DYNC1I1: variants seen among roughly 807,000 people sequenced by gnomAD.
The protein encoded by DYNC1I1 is cytoplasmic dynein 1 intermediate chain 1.
Under a neutral mutation model 86.6 loss-of-function variants are expected in DYNC1I1, and 43 were observed. The ratio of observed to expected loss-of-function variants is 0.50; its 90% CI spans 0.39 to 0.64. The LOEUF (loss-of-function observed/expected upper bound fraction) is 0.64, where lower values mean the gene tolerates loss of function less well. Ranked by LOEUF, DYNC1I1 falls within the 30% of genes least tolerant of loss-of-function variation. The probability of loss-of-function intolerance (pLI) is 0.00; values close to 1 mark genes in which losing one functional copy is unlikely to be tolerated. For missense variants in DYNC1I1, 604 were observed against 788.8 expected (o/e 0.77, Z 2.81); for synonymous variants, 262 against 283.7 (o/e 0.92, Z 0.77).
At position 95,838,648 on chromosome 7, in the gene DYNC1I1, A is replaced by G. The variant is rs187658594; in HGVS notation, c.374+10532A>G. 2.6e-5 allele frequency among the ~76,000 whole-genome samples: 4 copies of G among 152,122 alleles called. No individual in the cohort carries two copies. In the South Asian group the frequency reaches 6.2e-4, roughly 24 times the overall value. Reference sequence around the variant, plus strand: ...TAGGCAGTATGGACATTTTAATAATATTGTTTTGTGTAATCCATGAACATA... The same window carrying G: ...TAGGCAGTATGGACATTTTAATAATGTTGTTTTGTGTAATCCATGAACATA... On this transcript the variant is annotated intron_variant, in intron 5 of 16. Coordinates refer to ENST00000447467, the MANE Select transcript of DYNC1I1 (RefSeq NM_001135556.2).
At chr7:95,890,218 C>A (rs539427840) in intron 6 of DYNC1I1, among the ~76,000 whole-genome samples, 1 of 152,060 alleles carries the variant, frequency 6.6e-6, no homozygotes, top group Non-Finnish European at 1.5e-5. Context: ...AAAGAAAATG[C>A]GGTGCATATA....
At chr7:96,097,144 T>G (rs934420987) in intron 16 of DYNC1I1, among the ~76,000 whole-genome samples, 4 of 152,202 alleles carry the variant, frequency 2.6e-5, no homozygotes. Context: ...CAGTTTTTAT[T>G]TGCGTGTTCA....
chr7:96,002,909 T>C (rs576528737), intron 10 of DYNC1I1, among the ~76,000 whole-genome samples: 1 of 152,032 alleles, frequency 6.6e-6, no homozygotes, highest in Non-Finnish European at 1.5e-5. Context: ...AGCAGCACGA[T>C]CTCAGCTCAC....
intron 16 of DYNC1I1, among the ~76,000 whole-genome samples, chr7:96,105,063 A>G (rs1199027595): frequency 2.6e-5 from 4 of 151,874 alleles, no homozygotes; most frequent in Admixed American, 2.6e-4. Flanking sequence ...TTATTCCTAG[A>G]TAACAACTAA....
chr7:95,885,540 A>G (rs1790571623), intron 6 of DYNC1I1, among the ~76,000 whole-genome samples: 1 of 152,122 alleles, frequency 6.6e-6, no homozygotes, highest in Non-Finnish European at 1.5e-5. Context: ...GTCCAGTGGC[A>G]TGATCATAGC....
intron 5 of DYNC1I1, among the ~76,000 whole-genome samples, chr7:95,835,849 T>C (rs1202780329): frequency 6.6e-6 from 1 of 152,154 alleles, no homozygotes; most frequent in East Asian, 1.9e-4. Flanking sequence ...ATCCTTTTAT[T>C]TTGAGCCTAT....
At position 95,985,013 on chromosome 7, in the gene DYNC1I1, T is replaced by C. The variant is rs761537937; in HGVS notation, c.743+36T>C. Reference sequence around the variant, plus strand: ...TGTGTGCATTCTTTAAAAAATAGCGTAAGTTATCTGTTAATTCTAATTTAT... The same window carrying C: ...TGTGTGCATTCTTTAAAAAATAGCGCAAGTTATCTGTTAATTCTAATTTAT... On this transcript the variant is annotated intron_variant, in intron 8 of 16. Transcript: ENST00000447467. 33 of 1,598,280 alleles carry C rather than the reference T, an allele frequency of 2.1e-5. No homozygotes were observed. In the East Asian group the frequency reaches 5.6e-4, roughly 27 times the overall value.
chr7:96,077,329 T>G (rs1010700986), intron 15 of DYNC1I1, among the ~76,000 whole-genome samples: 9 of 151,770 alleles, frequency 5.9e-5, no homozygotes, highest in African/African-American at 2.2e-4. Flanking sequence ...CTTTGTATCT[T>G]CAAGGGTATA....
intron 16 of DYNC1I1, among the ~76,000 whole-genome samples, chr7:96,096,046 A>G (rs17776584): frequency 0.03 from 4,597 of 152,230 alleles, 222 homozygotes; most frequent in East Asian, 0.23. Flanking sequence ...TGCACTTCGC[A>G]AAATAAGTCA....
chr7:96,070,726 G>T (rs1035217978), intron 14 of DYNC1I1, among the ~76,000 whole-genome samples: 2 of 152,140 alleles, frequency 1.3e-5, no homozygotes, highest in African/African-American at 4.8e-5. Flanking sequence ...GGTGTTAGGA[G>T]ACATTTTAAT....
rs147995418 is a variant in DYNC1I1 at position 95,920,292 on chromosome 7, G to A, written c.490+50294G>A. ...CGTCTAATCATGAGAAAAACATCACGCAAATTTCACTAACAGAATATCAGA... is the reference window on the plus strand; with the variant it reads ...CGTCTAATCATGAGAAAAACATCACACAAATTTCACTAACAGAATATCAGA... On this transcript the variant is annotated intron_variant, in intron 6 of 16. Coordinates refer to ENST00000447467, the MANE Select transcript of DYNC1I1 (RefSeq NM_001135556.2). Among the ~76,000 whole-genome samples the A allele has an allele frequency of 5.8e-4, 88 of 152,120 alleles. 2 individuals are homozygous for A. The South Asian group carries it at 0.013, about 22-fold the overall frequency.
At chr7:96,055,370 G>A (rs1286920393) in intron 14 of DYNC1I1, among the ~76,000 whole-genome samples, 2 of 151,938 alleles carry the variant, frequency 1.3e-5, no homozygotes, top group Non-Finnish European at 2.9e-5. Flanking sequence ...TAACAAACCT[G>A]CATGTTCTGC....
intron 14 of DYNC1I1, among the ~76,000 whole-genome samples, chr7:96,056,768 A>T (rs1343139518): frequency 6.6e-6 from 1 of 152,088 alleles, no homozygotes; most frequent in African/African-American, 2.4e-5. Flanking sequence ...GTATATATAT[A>T]TGCAGAAAGT....
At chr7:95,803,692 C>T (rs77728070) in intron 1 of DYNC1I1, among the ~76,000 whole-genome samples, 10,417 of 152,154 alleles carry the variant, frequency 0.068, 486 homozygotes, top group Non-Finnish European at 0.097. Context: ...TATATTTATC[C>T]TAGTTGCATA....
Position 95,810,492 on chromosome 7 carries a change from C to G in DYNC1I1, c.209C>G (p.Pro70Arg). The change falls in exon 3 of 17, where the codon CCG (proline) becomes CGG (arginine). Residue 70 changes from proline (P) to arginine (R), a missense_variant. Transcript: ENST00000447467. ...TTGCTGCAAAGCATTGGTATCTCAC[C>G]GGAGCCGCCTCTAGGTACTTAAAAG... is the stretch of plus-strand genomic sequence containing the variant. Reference protein sequence around the residue: ...EALLQSIGISPEPPLVPTPMS... With the variant: ...EALLQSIGISREPPLVPTPMS... 1 of 1,611,936 alleles carries G rather than the reference C, an allele frequency of 6.2e-7. No individual in the cohort carries two copies. Among genetic ancestry groups the G allele is most frequent in the Non-Finnish European group, 8.5e-7 (1 of 1,178,934 alleles).
intron 10 of DYNC1I1, among the ~76,000 whole-genome samples, chr7:96,004,086 G>C (rs1794081938): frequency 6.6e-6 from 1 of 152,164 alleles, no homozygotes; most frequent in African/African-American, 2.4e-5. Context: ...GGAATTATTT[G>C]AAAACATTTA....
At chr7:95,827,724 A>G (rs1455626917) in intron 4 of DYNC1I1, among the ~76,000 whole-genome samples, 1 of 152,168 alleles carries the variant, frequency 6.6e-6, no homozygotes, top group Non-Finnish European at 1.5e-5. Context: ...TGTCAGAGAT[A>G]CATGCAGTGG....
intron 6 of DYNC1I1, among the ~76,000 whole-genome samples, chr7:95,870,993 A>G (rs1164653870): frequency 1.3e-5 from 2 of 152,214 alleles, no homozygotes; most frequent in African/African-American, 4.8e-5. Flanking sequence ...AGTATGGACA[A>G]AAGCCATGAA....
At chr7:95,986,922 C>A in intron 8 of DYNC1I1, 134 bp from the exon 9 acceptor site, 1 of 693,884 alleles carries the variant, frequency 1.4e-6, no homozygotes, top group Non-Finnish European at 2.5e-6. Context: ...TAATTTTGAT[C>A]AGGGTATGTA....
Sources: allele counts gnomAD v4.1 joint callset (sites outside exome capture counted in the v4.1 genomes callset), GRCh38; gene constraint gnomAD v4.1.1; transcripts MANE v1.5; gene names NCBI Gene and HGNC (gene_info 2026-07-23, HGNC 2026-07-21).